GLI3: variants seen among roughly 807,000 people sequenced by gnomAD.
The protein encoded by GLI3 is GLI family zinc finger 3.
A neutral mutation model predicts 100.8 loss-of-function variants in GLI3; 20 were observed. The observed-to-expected ratio is 0.20, with a 90% confidence interval of 0.14 to 0.29. The LOEUF (loss-of-function observed/expected upper bound fraction) is 0.29. GLI3 is among the 10% of genes least tolerant of loss of function. The pLI, the probability that GLI3 is intolerant of heterozygous loss-of-function variation, is 1.00. For missense variants in GLI3, 2,040 were observed against 2,128.5 expected (o/e 0.96, Z 0.82); for synonymous variants, 938 against 860.5 (o/e 1.09, Z -1.58).
intron 1 of GLI3, among the ~76,000 whole-genome samples, chr7:42,260,866 G>A (rs372835248): frequency 6.6e-6 from 1 of 152,126 alleles, no homozygotes; most frequent in East Asian, 1.9e-4. Context: ...AATAAAGGAT[G>A]ACTCCTGGTT....
At chr7:42,247,899 AG>A (rs1788992098) in intron 1 of GLI3, among the ~76,000 whole-genome samples, 1 of 152,218 alleles carries the variant, frequency 6.6e-6, no homozygotes, top group Admixed American at 6.5e-5. Flanking sequence ...GAATAAAATG[AG>A]CTCGTCCTAG....
intron 2 of GLI3, among the ~76,000 whole-genome samples, chr7:42,210,898 G>A (rs1219959919): frequency 1.3e-5 from 2 of 152,140 alleles, no homozygotes; most frequent in African/African-American, 2.4e-5. Context: ...TCACTGGCAA[G>A]AACAAGCAAC....
intron 10 of GLI3, among the ~76,000 whole-genome samples, chr7:41,990,588 G>A (rs1312952892): frequency 6.6e-6 from 1 of 152,092 alleles, no homozygotes; most frequent in African/African-American, 2.4e-5. Context: ...CTAAAATATA[G>A]GTTAAAATAA....
chr7:41,967,373 G>A lies in GLI3; in HGVS notation c.2431+223C>T, dbSNP rs542732636. ...TTATGATTTCACCATCAGAATATGA[G>A]TCATGCACAGTCACATTTTTTTCTC... On this transcript the variant is annotated intron_variant, in intron 14 of 14. Coordinates refer to ENST00000395925, the MANE Select transcript of GLI3 (RefSeq NM_000168.6). Among the ~76,000 whole-genome samples, 152 of 149,194 alleles carry A rather than the reference G, an allele frequency of 1.0e-3. 1 individual carries two copies. The highest frequency in any genetic ancestry group is 3.5e-3 in the Middle Eastern group (1 of 288).
rs117192208 is a variant in GLI3, at chr7:42,202,103, C to T, written c.124+21027G>A. 9.2e-3 allele frequency among the ~76,000 whole-genome samples: 1,333 copies of T among 144,438 alleles called. 12 individuals are homozygous for T. Among genetic ancestry groups the T allele is most frequent in the Middle Eastern group, 0.022 (6 of 272 alleles). The allele number at this position is 144,438 out of a possible 152,430, so 94.8% of individuals were successfully genotyped here. A position where few individuals can be genotyped will look rare whatever the true frequency, so the allele number is the denominator to read the frequency against. On this transcript the variant is annotated intron_variant, in intron 2 of 14. Transcript: ENST00000395925. ...CTCAAAAAAAAAAAAAAAAAAAATA[C>T]GGTATTATAATCTTATGGGACAACT...
chr7:42,212,105 C>G (rs1396056828), intron 2 of GLI3, among the ~76,000 whole-genome samples: 1 of 152,184 alleles, frequency 6.6e-6, no homozygotes, highest in Non-Finnish European at 1.5e-5. Context: ...TTCTCTCTCC[C>G]TCTTGCTTTT....
chr7:42,193,204 T>C (rs1177021446), intron 2 of GLI3, among the ~76,000 whole-genome samples: 2 of 152,152 alleles, frequency 1.3e-5, no homozygotes, highest in South Asian at 2.1e-4. Context: ...ATAAATCAAA[T>C]AAACAATGAA....
intron 2 of GLI3, among the ~76,000 whole-genome samples, chr7:42,181,149 G>A (rs1787584042): frequency 6.6e-6 from 1 of 152,082 alleles, no homozygotes; most frequent in African/African-American, 2.4e-5. Flanking sequence ...CTCCAACTAT[G>A]GTTTGCCAAC....
intron 3 of GLI3, among the ~76,000 whole-genome samples, chr7:42,103,638 A>G (rs890424496): frequency 6.6e-6 from 1 of 152,160 alleles, no homozygotes; most frequent in Non-Finnish European, 1.5e-5. Flanking sequence ...TGCTTAACAC[A>G]CATGACCTCA....
intron 3 of GLI3, among the ~76,000 whole-genome samples, chr7:42,112,633 T>C (rs1346104292): frequency 6.6e-6 from 1 of 152,196 alleles, no homozygotes; most frequent in East Asian, 1.9e-4. Context: ...ACATTAAAAT[T>C]TTTTAAATTA....
intron 5 of GLI3, 81 bp downstream of exon 5, chr7:42,048,410 G>C: frequency 1.1e-6 from 1 of 934,240 alleles, no homozygotes; most frequent in South Asian, 1.3e-5. Flanking sequence ...CTAAACATCA[G>C]GTCTACTTTA....
intron 2 of GLI3, among the ~76,000 whole-genome samples, chr7:42,182,683 C>CATGTGTGTATATATATATATATATATAT (rs1562775922): frequency 1.6e-3 from 89 of 54,850 alleles, no homozygotes; most frequent in African/African-American, 7.6e-3. Flanking sequence ...TATATATATA[C>CATGTGTGTATATATATATATATATATAT]ACATGTGTGT....
chr7:42,017,031 G>A (rs148085204), intron 10 of GLI3, among the ~76,000 whole-genome samples: 2 of 152,362 alleles, frequency 1.3e-5, no homozygotes, highest in Non-Finnish European at 2.9e-5. Context: ...CCCAGCCCAT[G>A]TAGCACCTGC....
chr7:42,241,219 A>G (rs769594019), upstream of GLI3, among the ~76,000 whole-genome samples: 8 of 152,116 alleles, frequency 5.3e-5, no homozygotes, highest in Non-Finnish European at 1.0e-4. Context: ...ACTTCATACA[A>G]AGTTTCTTTA....
intron 3 of GLI3, among the ~76,000 whole-genome samples, chr7:42,078,210 T>C (rs1165172171): frequency 6.6e-6 from 1 of 152,220 alleles, no homozygotes. Context: ...ATTAGATGTG[T>C]GTAATGTTGA....
chr7:42,181,393 G>A (rs1260132402), intron 2 of GLI3, among the ~76,000 whole-genome samples: 1 of 152,084 alleles, frequency 6.6e-6, no homozygotes, highest in Non-Finnish European at 1.5e-5. Context: ...TTGAGCCCAG[G>A]AGTTCAAGAC....
At chr7:42,216,692 A>T (rs1438285160) in intron 2 of GLI3, among the ~76,000 whole-genome samples, 3 of 152,210 alleles carry the variant, frequency 2.0e-5, no homozygotes, top group East Asian at 1.9e-4. Context: ...AAAATAAAAA[A>T]ATCTAGTGTT....
chr7:42,129,325 T>C (rs1786213087), intron 3 of GLI3, among the ~76,000 whole-genome samples: 1 of 152,228 alleles, frequency 6.6e-6, no homozygotes, highest in Non-Finnish European at 1.5e-5. Flanking sequence ...TGAGGCAGTC[T>C]GGGTCTATGG....
At chr7:42,155,672 A>G (rs1486496427) in intron 2 of GLI3, among the ~76,000 whole-genome samples, 4 of 152,122 alleles carry the variant, frequency 2.6e-5, no homozygotes, top group Non-Finnish European at 2.9e-5. Context: ...ACAGAGCTCC[A>G]TTCAACTTCA....
Sources: gnomAD v4.1 joint callset for allele counts (sites outside exome capture counted in the v4.1 genomes callset) on GRCh38, gnomAD v4.1.1 for gene constraint, MANE v1.5 for transcripts, NCBI Gene and HGNC (gene_info 2026-07-23, HGNC 2026-07-21) for gene names.